The following SLA2 variants were observed in gnomAD, a reference collection of about 807,000 sequenced individuals.
The protein encoded by SLA2 is src-like-adapter 2.
A neutral mutation model predicts 27.3 loss-of-function variants in SLA2; 22 were observed. That is an observed-to-expected ratio of 0.81 (90% CI 0.58 to 1.15). SLA2 has a LOEUF of 1.15. Ranked by LOEUF, SLA2 falls within the 50% of genes most tolerant of loss-of-function variation. SLA2 has a pLI of 0.00. For synonymous variants in SLA2, 131 were observed against 137.8 expected, an observed-to-expected ratio of 0.95 and a Z score of 0.34; for missense variants, 304 against 322.2, an observed-to-expected ratio of 0.94 and a Z score of 0.43.
At chr20:36,636,963 A>G (rs893336600) in intron 2 of SLA2, among the ~76,000 whole-genome samples, 2 of 150,684 alleles carry the variant, frequency 1.3e-5, no homozygotes, top group Admixed American at 6.6e-5. Context: ...ACCCCCCCCA[A>G]AAAAAGAAAA....
chr20:36,613,996 A>C lies in SLA2; in HGVS notation c.666-10T>G. The C allele has an allele frequency of 3.1e-6, 5 of 1,613,216 alleles. No homozygotes were observed. The highest frequency in any genetic ancestry group is 4.2e-6 in the Non-Finnish European group (5 of 1,179,768). On this transcript the variant is annotated splice_polypyrimidine_tract_variant and intron_variant, in intron 7 of 7. Coordinates refer to ENST00000262866, the MANE Select transcript of SLA2 (RefSeq NM_032214.4). Reference sequence around the variant, plus strand: ...AGAAAACAGGAGGGAGCTGTGGACAAAGGAAGATAATTGGGTCAAGAAGCC... The same window carrying C: ...AGAAAACAGGAGGGAGCTGTGGACACAGGAAGATAATTGGGTCAAGAAGCC...
At chr20:36,622,069 C>G (rs2039288758) in intron 5 of SLA2, among the ~76,000 whole-genome samples, 1 of 151,978 alleles carries the variant, frequency 6.6e-6, no homozygotes. Context: ...CCTGTAATCC[C>G]AGCGCTTTGG....
At chr20:36,643,402 C>T (rs930907475) in intron 1 of SLA2, among the ~76,000 whole-genome samples, 6 of 152,208 alleles carry the variant, frequency 3.9e-5, no homozygotes, top group African/African-American at 1.4e-4. Context: ...TGTCAGGCAC[C>T]TGCCAAGGAC....
intron 2 of SLA2, among the ~76,000 whole-genome samples, chr20:36,639,721 C>T (rs1435580095): frequency 2.0e-5 from 3 of 151,636 alleles, no homozygotes; most frequent in Admixed American, 6.6e-5. Context: ...ATTAGCCAGG[C>T]GTGGTGGCGG....
At position 36,613,761 on chromosome 20, in the gene SLA2, A is replaced by ACCCC; in HGVS notation, c.*104_*105insGGGG. ...GACCCTAGATGCACCTCTGTGTCCC[A>ACCCC]CCCTCCCTCCCTGAGTGCACAGCCT... On this transcript the variant is annotated 3_prime_UTR_variant, in exon 8 of 8. Transcript: ENST00000262866. The ACCCC allele has an allele frequency of 2.1e-4, 71 of 336,570 alleles. No individual in the cohort carries two copies. Among genetic ancestry groups the ACCCC allele is most frequent in the South Asian group, 3.6e-4 (15 of 41,662 alleles). The allele number at this position is 336,570 out of a possible 1,614,324, so 20.8% of individuals were successfully genotyped here.
chr20:36,614,429 C>G lies in SLA2; in HGVS notation c.541G>C (p.Asp181His). ...ALVDHYSELA[D>H]DICCLLKEPC... ...TCCTTGAGTAGGCAGCAGATGTCAT[C>G]CGCCAGCTCTGAGGAAGAGACCTCC... Residue 181 changes from aspartate to histidine, a missense_variant, in exon 7 of 8, where the codon GAT becomes CAT. Coordinates refer to ENST00000262866, the MANE Select transcript of SLA2 (RefSeq NM_032214.4). The G allele has an allele frequency of 6.2e-7, 1 of 1,608,140 alleles. No homozygotes were observed.
chr20:36,624,286 T>A (rs2039314413), intron 5 of SLA2, among the ~76,000 whole-genome samples: 1 of 152,140 alleles, frequency 6.6e-6, no homozygotes, highest in Admixed American at 6.6e-5. Context: ...GTCCTCTCCC[T>A]GGAAAGGCTC....
intron 2 of SLA2, among the ~76,000 whole-genome samples, chr20:36,639,095 C>T (rs756698707): frequency 6.6e-6 from 1 of 152,184 alleles, no homozygotes; most frequent in Non-Finnish European, 1.5e-5. Flanking sequence ...ATCTGCCCGC[C>T]TCGGCCTCCC....
chr20:36,633,711 C>T (rs2039415851), intron 3 of SLA2, 82 bp from the exon 4 acceptor site: 3 of 1,204,762 alleles, frequency 2.5e-6, no homozygotes, highest in Non-Finnish European at 3.6e-6. Flanking sequence ...TGCAAGGACC[C>T]TCTCAGGCTG....
At chr20:36,622,916 G>C (rs544901395) in intron 5 of SLA2, among the ~76,000 whole-genome samples, 31 of 152,286 alleles carry the variant, frequency 2.0e-4, no homozygotes, top group Admixed American at 1.6e-3. Context: ...AACATTGTTG[G>C]GGGGGATGAT....
At chr20:36,645,165 A>G (rs1978286901) in intron 1 of SLA2, among the ~76,000 whole-genome samples, 1 of 137,798 alleles carries the variant, frequency 7.3e-6, no homozygotes, top group Non-Finnish European at 1.6e-5. Context: ...CATAGTGAGA[A>G]CCCCCACCCC....
chr20:36,641,414 C>A, intron 1 of SLA2, 36 bp from the exon 2 acceptor site: 1 of 1,301,920 alleles, frequency 7.7e-7, no homozygotes, highest in South Asian at 1.2e-5. Flanking sequence ...AGAGCCGAGG[C>A]TTCTGGCCCA....
chr20:36,636,053 G>T (rs1201318027), intron 2 of SLA2, among the ~76,000 whole-genome samples: 1 of 152,042 alleles, frequency 6.6e-6, no homozygotes, highest in African/African-American at 2.4e-5. Flanking sequence ...TGAAGTCATG[G>T]ACTGTGCCAG....
Position 36,613,949 on chromosome 20 carries a change from ACTC to A in SLA2, c.700_702del (p.Glu234del). ...TCCCGGAGACCCTCACTGAGAAGAG[ACTC>A]CTCCCCTGTGGCAGCTTCAGAAAAC... On this transcript the variant is annotated inframe_deletion, in exon 8 of 8. Coordinates refer to ENST00000262866, the MANE Select transcript of SLA2 (RefSeq NM_032214.4). 1 of 1,613,342 alleles carries A rather than the reference ACTC, an allele frequency of 6.2e-7. No homozygotes were observed. Among genetic ancestry groups the A allele is most frequent in the East Asian group, 2.2e-5 (1 of 44,850 alleles).
chr20:36,628,395 C>A (rs1260258121), intron 5 of SLA2, among the ~76,000 whole-genome samples: 2 of 152,206 alleles, frequency 1.3e-5, no homozygotes, highest in South Asian at 2.1e-4. Context: ...ACTACAAACA[C>A]GCACTGGTCC....
chr20:36,638,715 A>T (rs568586005), intron 2 of SLA2, among the ~76,000 whole-genome samples: 1 of 152,366 alleles, frequency 6.6e-6, no homozygotes, highest in African/African-American at 2.4e-5. Context: ...GTCCAGGGGA[A>T]CAAGTAAATA....
intron 2 of SLA2, among the ~76,000 whole-genome samples, chr20:36,636,629 T>C (rs1331734902): frequency 4.5e-5 from 5 of 111,260 alleles, no homozygotes; most frequent in African/African-American, 1.4e-4. Context: ...AAAAAATATA[T>C]ATATATATAT....
intron 5 of SLA2, among the ~76,000 whole-genome samples, chr20:36,627,948 C>T (rs2039356175): frequency 6.6e-6 from 1 of 152,222 alleles, no homozygotes; most frequent in South Asian, 2.1e-4. Flanking sequence ...CCTGGCATCA[C>T]TCACTCACTT....
Position 36,614,384 on chromosome 20 carries a change from C to G in SLA2, c.586G>C (p.Ala196Pro), listed in dbSNP as rs1192230531. Residue 196 changes from alanine (A) to proline (P), a missense_variant, in exon 7 of 8, where the codon GCT (alanine) becomes CCT (proline). By Grantham distance (27) the Ala-to-Pro change is conservative. Transcript: ENST00000262866. ...LLKEPCVLQR[A>P]GPLPGKDIPL... ...ATATCCTTGCCAGGGAGCGGGCCAG[C>G]CCTCTGCAGGACACAGGGCTCCTTG... is the stretch of plus-strand genomic sequence containing the variant. 1 of 1,613,908 alleles carries G rather than the reference C, an allele frequency of 6.2e-7. No individual in the cohort carries two copies. Among genetic ancestry groups the G allele is most frequent in the Non-Finnish European group, 8.5e-7 (1 of 1,179,966 alleles).
Sources: gnomAD v4.1 joint callset for allele counts (sites outside exome capture counted in the v4.1 genomes callset) on GRCh38, gnomAD v4.1.1 for gene constraint, MANE v1.5 for transcripts, NCBI Gene and HGNC (gene_info 2026-07-23, HGNC 2026-07-21) for gene names.